The following TJP3 variants were observed in gnomAD, a reference collection of about 807,000 sequenced individuals.
TJP3 encodes the protein tight junction protein 3, also known as tight junction protein ZO-3.
A neutral mutation model predicts 104.2 loss-of-function variants in TJP3; 85 were observed. The ratio of observed to expected loss-of-function variants is 0.82; its 90% CI spans 0.68 to 0.98. The LOEUF (loss-of-function observed/expected upper bound fraction) is 0.98, where lower values mean the gene tolerates loss of function less well. Among genes scored for constraint, TJP3 ranks in the 50% least tolerant of loss-of-function variants. The pLI, the probability that TJP3 is intolerant of heterozygous loss-of-function variation, is 0.00. For synonymous variants in TJP3, 550 were observed against 550.6 expected, an observed-to-expected ratio of 1.00 and a Z score of 0.02; for missense variants, 1,367 against 1,322.8, an observed-to-expected ratio of 1.03 and a Z score of -0.52.
At chr19:3,750,244 C>T (rs970847759) in intron 20 of TJP3, 60 bp downstream of exon 20, 17 of 1,604,642 alleles carry the variant, frequency 1.1e-5, no homozygotes, top group Middle Eastern at 1.7e-4. Context: ...TCAGACTCTG[C>T]GGACTCAGAT....
rs192628262 is a variant in TJP3 at position 3,733,805 on chromosome 19, T to C, written c.770T>C (p.Ile257Thr). 5.0e-6 allele frequency: 8 copies of C among 1,614,166 alleles called. No individual in the cohort carries two copies. Among genetic ancestry groups the C allele is most frequent in the Admixed American group, 1.7e-5 (1 of 60,012 alleles). ...TCACTGAACGACACCCGGCGACTGA[T>C]TGAGAAGTCAGAAGGGAAGCTAAGC... ...NLSLNDTRRL[I>T]EKSEGKLSLL... Residue 257 changes from isoleucine (I) to threonine (T), a missense_variant, in exon 7 of 21, where the codon ATT becomes ACT. By Grantham distance (89) the Ile-to-Thr change is moderately conservative. Transcript: ENST00000541714.
chr19:3,722,079 G>T (rs2036547413), intron 1 of TJP3, among the ~76,000 whole-genome samples: 2 of 139,728 alleles, frequency 1.4e-5, no homozygotes, highest in Admixed American at 1.4e-4. Context: ...TGCACTTCGA[G>T]ATGCGTCCGC....
chr19:3,719,096 A>C (rs2036518431), intron 1 of TJP3, among the ~76,000 whole-genome samples: 1 of 151,928 alleles, frequency 6.6e-6, no homozygotes. Context: ...AGGCATGAGA[A>C]TGGTGTGAAC....
intron 1 of TJP3, among the ~76,000 whole-genome samples, chr19:3,717,300 A>C (rs142564156): frequency 5.5e-5 from 8 of 144,740 alleles, no homozygotes; most frequent in East Asian, 4.0e-4. Flanking sequence ...ACAGAGTTTC[A>C]CCATGTTGGC....
At chr19:3,715,120 C>A (rs1453565697) in intron 1 of TJP3, among the ~76,000 whole-genome samples, 2 of 146,004 alleles carry the variant, frequency 1.4e-5, no homozygotes, top group Admixed American at 1.4e-4. Context: ...GATGGAGTCT[C>A]GCTCTGTCGC....
chr19:3,747,645 C>T, intron 18 of TJP3, 149 bp from the exon 19 acceptor site: 2 of 974,868 alleles, frequency 2.1e-6, no homozygotes, highest in East Asian at 2.6e-5. Context: ...ACAACCCATC[C>T]TGGAGTCAAC....
Position 3,750,751 on chromosome 19 carries a change from T to C in TJP3, c.*67T>C, listed in dbSNP as rs1191703258. ...CCTGGGGCTGGGACTCAGTTTCCCATACAGAACCCACAACCTTACCTCCCT... is the reference window on the plus strand; with the variant it reads ...CCTGGGGCTGGGACTCAGTTTCCCACACAGAACCCACAACCTTACCTCCCT... On this transcript the variant is annotated 3_prime_UTR_variant, in exon 21 of 21. Coordinates refer to ENST00000541714, the MANE Select transcript of TJP3 (RefSeq NM_001267560.2). 8 of 1,378,614 alleles carry C rather than the reference T, an allele frequency of 5.8e-6. No individual in the cohort carries two copies. The highest frequency in any genetic ancestry group is 2.9e-5 in the African/African-American group (2 of 69,838). The allele number at this position is 1,378,614 out of a possible 1,614,324, so 85.4% of individuals were successfully genotyped here. A position where few individuals can be genotyped will look rare whatever the true frequency, so the allele number is the denominator to read the frequency against.
chr19:3,743,036 C>T (rs962089065), intron 14 of TJP3, among the ~76,000 whole-genome samples: 15 of 151,730 alleles, frequency 9.9e-5, no homozygotes, highest in African/African-American at 2.7e-4. Flanking sequence ...GAGGCCGAGG[C>T]GGGCGGATCA....
At chr19:3,728,825 G>A (rs1292713222) in intron 3 of TJP3, 112 bp downstream of exon 3, 5 of 1,152,982 alleles carry the variant, frequency 4.3e-6, no homozygotes, top group Non-Finnish European at 6.2e-6. Flanking sequence ...GGCTGAAGTG[G>A]GCGGATCACC....
Position 3,716,707 on chromosome 19 carries a change from C to T in TJP3, c.-10+8146C>T, listed in dbSNP as rs534822291. Among the ~76,000 whole-genome samples the T allele has an allele frequency of 1.9e-3, 273 of 145,536 alleles. 10 individuals carry two copies. Among genetic ancestry groups the T allele is most frequent in the African/African-American group, 6.0e-3 (245 of 40,840 alleles). ...AGGGCAAGATCATGGATCACTGCAG[C>T]CTCGACCTCCTGGGCTCAAATGATC... On this transcript the variant is annotated intron_variant, in intron 1 of 20. Transcript: ENST00000541714.
At position 3,743,998 on chromosome 19, in the gene TJP3, T is replaced by G. The variant is rs149682162; in HGVS notation, c.1903T>G (p.Leu635Val). 15 of 1,614,132 alleles carry G rather than the reference T, an allele frequency of 9.3e-6. No individual in the cohort carries two copies. The highest frequency in any genetic ancestry group is 1.2e-5 in the Non-Finnish European group (14 of 1,180,020). Residue 635 changes from leucine to valine, a missense_variant, in exon 15 of 21, where the codon TTG becomes GTG. Coordinates refer to ENST00000541714, the MANE Select transcript of TJP3 (RefSeq NM_001267560.2). ...CGTGGCCGACATTGCTATGCAGAAGTTGACTGCTGAGATGCCTGACCAGTT... is the reference window on the plus strand; with the variant it reads ...CGTGGCCGACATTGCTATGCAGAAGGTGACTGCTGAGATGCCTGACCAGTT... ...GPVADIAMQK[L>V]TAEMPDQFEI...
intron 1 of TJP3, among the ~76,000 whole-genome samples, chr19:3,727,375 T>G (rs2036610715): frequency 6.7e-6 from 1 of 148,950 alleles, no homozygotes; most frequent in Admixed American, 6.7e-5. Context: ...CCCAGATACT[T>G]GGGATGCTGA....
intron 1 of TJP3, among the ~76,000 whole-genome samples, chr19:3,715,317 C>T (rs2036467831): frequency 6.6e-6 from 1 of 152,134 alleles, no homozygotes; most frequent in Non-Finnish European, 1.5e-5. Context: ...TCTCGATCTC[C>T]TGACCTCGTG....
Position 3,728,439 on chromosome 19 carries a change from G to C in TJP3, c.7G>C (p.Glu3Gln). The change falls in exon 2 of 21, where the codon GAG becomes CAG. Residue 3 changes from glutamate to glutamine, a missense_variant. Transcript: ENST00000541714. ME[E>Q]LTIWEQHTAT... ...CCTCGACCAGGTGGCTGACATGGAG[G>C]AGCTGACCATCTGGGAACAGCACAC... The C allele has an allele frequency of 6.2e-7, 1 of 1,614,094 alleles. No homozygotes were observed. Among genetic ancestry groups the C allele is most frequent in the Non-Finnish European group, 8.5e-7 (1 of 1,179,994 alleles).
intron 14 of TJP3, among the ~76,000 whole-genome samples, chr19:3,741,211 C>T (rs1452283794): frequency 6.6e-6 from 1 of 151,958 alleles, no homozygotes; most frequent in African/African-American, 2.4e-5. Flanking sequence ...CCATGTTGGC[C>T]AGGCTGGTCT....
Position 3,730,252 on chromosome 19 carries a change from G to A in TJP3, c.262-103G>A. The A allele has an allele frequency of 6.7e-7, 1 of 1,483,480 alleles. No homozygotes were observed. Among genetic ancestry groups the A allele is most frequent in the Non-Finnish European group, 9.2e-7 (1 of 1,085,036 alleles). The allele number at this position is 1,483,480 out of a possible 1,614,324, so 91.9% of individuals were successfully genotyped here. On this transcript the variant is annotated intron_variant, in intron 4 of 20. Transcript: ENST00000541714. This position sits in a 1 kb window ranked among gnomAD's most constrained non-coding sequence, Gnocchi z 7.3. ...TCTCATCTTACAGTTTGGACATTGA[G>A]GCCCAGAGAGAGACTGGTGTCCCCC...
chr19:3,743,879 A>C, intron 14 of TJP3, 60 bp from the exon 15 acceptor site: 1 of 1,499,918 alleles, frequency 6.7e-7, no homozygotes, highest in Non-Finnish European at 9.3e-7. Flanking sequence ...TGTACAACAC[A>C]CTAGCAGTCT....
Position 3,730,372 on chromosome 19 carries a change from G to T in TJP3, c.279G>T (p.Arg93=). 6.5e-7 allele frequency: 1 copy of T among 1,541,124 alleles called. No individual in the cohort carries two copies. ...TCTAACAGACAGTGAAACGTCCCCGGAGGATCCACCTGCCCGCCACCAAAG... is the reference window on the plus strand; with the variant it reads ...TCTAACAGACAGTGAAACGTCCCCGTAGGATCCACCTGCCCGCCACCAAAG... ...KMANITVKRP[R]RIHLPATKAS... Residue 93 remains arginine, a synonymous_variant, in exon 5 of 21, where the codon CGG becomes CGT. Coordinates refer to ENST00000541714, the MANE Select transcript of TJP3 (RefSeq NM_001267560.2). This position sits in a 1 kb window ranked among gnomAD's most constrained non-coding sequence, Gnocchi z 7.3.
intron 15 of TJP3, among the ~76,000 whole-genome samples, chr19:3,745,148 T>G (rs2036870018): frequency 7.5e-6 from 1 of 132,984 alleles, no homozygotes; most frequent in Non-Finnish European, 1.6e-5. Flanking sequence ...TTTTTTTTTT[T>G]TTTTTTTTTT....
Sources: gnomAD v4.1 joint callset for allele counts (sites outside exome capture counted in the v4.1 genomes callset) on GRCh38, gnomAD v4.1.1 for gene constraint, Gnocchi (gnomAD v3.1) non-coding constraint, MANE v1.5 for transcripts, NCBI Gene and HGNC (gene_info 2026-07-23, HGNC 2026-07-21) for gene names.